Variants in FHAD1 observed in about 807,000 individuals in gnomAD.
FHAD1 encodes forkhead associated phosphopeptide binding domain 1.
FHAD1 carries 146 observed loss-of-function variants against 191.3 expected under a neutral mutation model. That is an observed-to-expected ratio of 0.76 (90% CI 0.67 to 0.88). The LOEUF is 0.88. FHAD1 is among the 40% of genes least tolerant of loss of function. The pLI, the probability that FHAD1 is intolerant of heterozygous loss-of-function variation, is 0.00. For missense variants in FHAD1, 1,635 were observed against 1,785.8 expected (o/e 0.92, Z 1.52); for synonymous variants, 616 against 672.3 (o/e 0.92, Z 1.29).
chr1:15,300,870 C>T (rs372712687), intron 5 of FHAD1, among the ~76,000 whole-genome samples: 313 of 152,252 alleles, frequency 2.1e-3, no homozygotes, highest in African/African-American at 7.1e-3. Context: ...GCTCTTGTTG[C>T]CCAGGCTAGA....
chr1:15,241,374 G>T (rs1010479556), intron 1 of FHAD1, among the ~76,000 whole-genome samples: 2 of 152,208 alleles, frequency 1.3e-5, no homozygotes, highest in African/African-American at 4.8e-5. Context: ...AACAGAACTG[G>T]CCAGGCGCAG....
At chr1:15,286,687 G>A (rs1273637234) in intron 3 of FHAD1, among the ~76,000 whole-genome samples, 1 of 152,198 alleles carries the variant, frequency 6.6e-6, no homozygotes, top group Non-Finnish European at 1.5e-5. Flanking sequence ...CACTGAATGT[G>A]ATTTGTTGCT....
At chr1:15,348,380 C>T (rs1247080622) in intron 18 of FHAD1, among the ~76,000 whole-genome samples, 2 of 152,176 alleles carry the variant, frequency 1.3e-5, no homozygotes, top group Non-Finnish European at 2.9e-5. Flanking sequence ...TGACTGGAAA[C>T]AGGCTGGCAG....
chr1:15,381,360 C>G lies in FHAD1; in HGVS notation c.3931C>G (p.Leu1311Val), dbSNP rs1357387133. Residue 1311 changes from leucine to valine, a missense_variant, in exon 30 of 34, where the codon CTG (leucine) becomes GTG (valine). Leu to Val is a conservative substitution (Grantham distance 32, BLOSUM62 1). Coordinates refer to ENST00000688493, the MANE Select transcript of FHAD1 (RefSeq NM_001391957.1). The surrounding 1 kb of genome is among the most constrained non-coding windows in gnomAD (Gnocchi z 4.6). ...CCAGCTTCGACAAAGGGACCTCGAC[C>G]TGGTGTTTGATAAGATCACCCAACT... Reference protein sequence around the residue: ...VNQLRQRDLDLVFDKITQLKN... With the variant: ...VNQLRQRDLDVVFDKITQLKN... 6.4e-7 allele frequency: 1 copy of G among 1,551,776 alleles called. No homozygotes were observed. The highest frequency in any genetic ancestry group is 1.2e-5 in the South Asian group (1 of 84,050).
intron 19 of FHAD1, among the ~76,000 whole-genome samples, chr1:15,351,623 G>A (rs1297990086): frequency 6.6e-6 from 1 of 152,142 alleles, no homozygotes; most frequent in African/African-American, 2.4e-5. Flanking sequence ...CTGTGCACAG[G>A]GTCATTGTGA....
At chr1:15,386,849 C>CTTTTTTTTTTTTTTT (rs59453670) in intron 31 of FHAD1, among the ~76,000 whole-genome samples, 16 of 144,232 alleles carry the variant, frequency 1.1e-4, no homozygotes, top group African/African-American at 3.1e-4. Context: ...TCCTTTCTTT[C>CTTTTTTTTTTTTTTT]TTTTTTTTTT....
intron 2 of FHAD1, among the ~76,000 whole-genome samples, chr1:15,267,073 G>A (rs1653858167): frequency 6.6e-6 from 1 of 152,094 alleles, no homozygotes; most frequent in African/African-American, 2.4e-5. Context: ...CCAACAATAA[G>A]AAAACAACCC....
chr1:15,304,160 A>G (rs1211816158), intron 6 of FHAD1, among the ~76,000 whole-genome samples: 1 of 152,260 alleles, frequency 6.6e-6, no homozygotes. Flanking sequence ...AAGCCCTTCG[A>G]TCTGATACAA....
intron 20 of FHAD1, among the ~76,000 whole-genome samples, chr1:15,353,721 A>G (rs866917079): frequency 3.4e-5 from 5 of 148,136 alleles, no homozygotes; most frequent in Admixed American, 6.7e-5. Flanking sequence ...AAAAAAAAAA[A>G]AAAAAGAAAA....
chr1:15,250,287 T>C (rs1752007), intron 1 of FHAD1, among the ~76,000 whole-genome samples: 44,199 of 152,070 alleles, frequency 0.29, 7,435 homozygotes, highest in Non-Finnish European at 0.39. Flanking sequence ...TTACTGTCAA[T>C]ATTTTAGAAC....
chr1:15,329,363 CT>C lies in FHAD1; in HGVS notation c.1729del (p.Cys577ValfsTer6). The C allele has an allele frequency of 6.5e-7, 1 of 1,545,206 alleles. No homozygotes were observed. The highest frequency in any genetic ancestry group is 8.8e-7 in the Non-Finnish European group (1 of 1,141,936). On this transcript the variant is annotated frameshift_variant, in exon 14 of 34. Transcript: ENST00000688493. LOFTEE classifies it high-confidence loss of function. This position sits in a 1 kb window ranked among gnomAD's most constrained non-coding sequence, Gnocchi z 5.0. ...CTTTGCAGGCTTGCATGAAAATATCCTGTTGCAGCCATGACCTGAAGAAGGA... is the reference window on the plus strand; with the variant it reads ...CTTTGCAGGCTTGCATGAAAATATCCGTTGCAGCCATGACCTGAAGAAGGA... ...DSCQACMKISCCSHDLKKEVD... is the reference protein window; with the variant it reads ...DSCQACMKISXCSHDLKKEVD...
At chr1:15,315,615 A>T (rs1674167558) in intron 8 of FHAD1, among the ~76,000 whole-genome samples, 1 of 150,762 alleles carries the variant, frequency 6.6e-6, no homozygotes, top group Admixed American at 6.7e-5. Context: ...CCTCCCAAGT[A>T]GCTGGGACTA....
intron 2 of FHAD1, among the ~76,000 whole-genome samples, chr1:15,260,047 C>T (rs902323181): frequency 5.3e-5 from 8 of 152,186 alleles, no homozygotes; most frequent in Non-Finnish European, 7.3e-5. Context: ...AATGGAACCC[C>T]CTCCTCAAAA....
chr1:15,242,087 G>C (rs1392834370), intron 1 of FHAD1, among the ~76,000 whole-genome samples: 1 of 152,026 alleles, frequency 6.6e-6, no homozygotes. Context: ...ACAAAAAGTA[G>C]CCGGGCATGG....
At chr1:15,314,561 G>C (rs1179515715) in intron 8 of FHAD1, 1 of 152,104 alleles carries the variant, frequency 6.6e-6, no homozygotes, top group African/African-American at 2.4e-5. Context: ...CCCCGAGCAG[G>C]GTCACCGCCT....
Position 15,312,998 on chromosome 1 carries a change from G to A in FHAD1, c.1040-59G>A. 6.5e-7 allele frequency: 1 copy of A among 1,539,818 alleles called. No individual in the cohort carries two copies. The highest frequency in any genetic ancestry group is 8.8e-7 in the Non-Finnish European group (1 of 1,139,548). On this transcript the variant is annotated intron_variant, in intron 7 of 33. Transcript: ENST00000688493. This position sits in a 1 kb window ranked among gnomAD's most constrained non-coding sequence, Gnocchi z 4.7. ...GCTCGTCACAAACTGGTTGACAGCG[G>A]CAGCGATGACAGTCATCCTCACTGC...
intron 19 of FHAD1, 71 bp downstream of exon 19, chr1:15,349,220 G>T: frequency 8.3e-7 from 1 of 1,207,120 alleles, no homozygotes; most frequent in South Asian, 1.3e-5. Flanking sequence ...AGTACAGTGG[G>T]AAATCGGGCA....
chr1:15,243,756 G>A (rs1431106673), upstream of FHAD1, among the ~76,000 whole-genome samples: 1 of 152,260 alleles, frequency 6.6e-6, no homozygotes, highest in East Asian at 1.9e-4. Context: ...GGCACTGCCT[G>A]AACCTTTGGA....
intron 3 of FHAD1, among the ~76,000 whole-genome samples, chr1:15,288,453 GA>G (rs761598004): frequency 3.2e-4 from 49 of 152,238 alleles, no homozygotes; most frequent in Admixed American, 6.5e-4. Context: ...TGCTGGTGTG[GA>G]AAAGCAAAGG....
Sources: gnomAD v4.1 joint callset for allele counts (sites outside exome capture counted in the v4.1 genomes callset) on GRCh38, gnomAD v4.1.1 for gene constraint, Gnocchi (gnomAD v3.1) non-coding constraint, MANE v1.5 for transcripts, NCBI Gene and HGNC (gene_info 2026-07-23, HGNC 2026-07-21) for gene names.